Variants in ATG10 observed in about 807,000 individuals in gnomAD.
ATG10 encodes the protein ubiquitin-like-conjugating enzyme ATG10.
Under a neutral mutation model 32.1 loss-of-function variants are expected in ATG10, and 30 were observed. The ratio of observed to expected loss-of-function variants is 0.94; its 90% confidence interval spans 0.70 to 1.27. The LOEUF (loss-of-function observed/expected upper bound fraction) is 1.27, where lower values mean the gene tolerates loss of function less well. ATG10 is among the 50% of genes most tolerant of loss of function. ATG10 has a pLI of 0.00. For missense variants in ATG10, 233 were observed against 262.3 expected (o/e 0.89, Z 0.77); for synonymous variants, 87 against 91.5 (o/e 0.95, Z 0.28).
intron 1 of ATG10, among the ~76,000 whole-genome samples, chr5:81,987,149 G>A (rs1260902621): frequency 2.6e-5 from 4 of 152,046 alleles, no homozygotes; most frequent in Admixed American, 6.6e-5. Flanking sequence ...TTGAGATGGG[G>A]TATCACTCTG....
rs915282525 is a variant in ATG10, at chr5:82,094,033, G to A, written c.216+35431G>A. Among the ~76,000 whole-genome samples, 14 of 152,180 alleles carry A rather than the reference G, an allele frequency of 9.2e-5. 1 individual carries two copies. Among genetic ancestry groups the A allele is most frequent in the South Asian group, 4.1e-4 (2 of 4,820 alleles). On this transcript the variant is annotated intron_variant, in intron 3 of 7. Transcript: ENST00000282185. ...CTGGGTTCTTTCCTTATACACATGA[G>A]CCGATCTGTACTTAGCTGAAGATTT...
chr5:82,203,908 A>G (rs1290414468), intron 5 of ATG10, among the ~76,000 whole-genome samples: 2 of 152,180 alleles, frequency 1.3e-5, no homozygotes, highest in South Asian at 2.1e-4. Context: ...GGTATAATCA[A>G]TTTAATTTAA....
chr5:82,054,041 C>T (rs1332464418), intron 2 of ATG10, among the ~76,000 whole-genome samples: 1 of 152,156 alleles, frequency 6.6e-6, no homozygotes, highest in Non-Finnish European at 1.5e-5. Flanking sequence ...CCTGAGGTAG[C>T]TGCAGATTAC....
At chr5:82,146,204 A>C (rs1312939493) in intron 3 of ATG10, among the ~76,000 whole-genome samples, 1 of 152,094 alleles carries the variant, frequency 6.6e-6, no homozygotes, top group African/African-American at 2.4e-5. Context: ...TTCTTGAAGA[A>C]TATTTTTACC....
chr5:82,130,810 A>C (rs1414778158), intron 3 of ATG10, among the ~76,000 whole-genome samples: 1 of 152,084 alleles, frequency 6.6e-6, no homozygotes, highest in Non-Finnish European at 1.5e-5. Flanking sequence ...CCAGCCACCC[A>C]AAATATCTTT....
chr5:82,052,570 A>C (rs1454984152), intron 2 of ATG10, among the ~76,000 whole-genome samples: 3 of 152,198 alleles, frequency 2.0e-5, no homozygotes, highest in Non-Finnish European at 4.4e-5. Context: ...ATTTATAGGC[A>C]CAAAAGAGGT....
intron 2 of ATG10, among the ~76,000 whole-genome samples, chr5:82,046,197 T>C (rs1401935768): frequency 1.3e-5 from 2 of 152,076 alleles, no homozygotes; most frequent in Non-Finnish European, 2.9e-5. Flanking sequence ...TCCAACTGTA[T>C]TGAGTTGAAT....
At position 81,991,652 on chromosome 5, in the gene ATG10, G is replaced by A. The variant is rs747424222; in HGVS notation, c.108+3974G>A. 1.1e-4 allele frequency among the ~76,000 whole-genome samples: 17 copies of A among 152,106 alleles called. No individual in the cohort carries two copies. In the East Asian group the frequency reaches 1.5e-3, roughly 14 times the overall value. ...CTACTAAAAATACAAAAAATTAGCCGAGTGTGGTGGTGCATGCCTAAAATC... is the reference window on the plus strand; with the variant it reads ...CTACTAAAAATACAAAAAATTAGCCAAGTGTGGTGGTGCATGCCTAAAATC... On this transcript the variant is annotated intron_variant, in intron 2 of 7. Coordinates refer to ENST00000282185, the MANE Select transcript of ATG10 (RefSeq NM_031482.5).
In ATG10 at chr5:82,135,423, G is replaced by A. The variant is rs183974038; in HGVS notation, c.217-28976G>A. Among the ~76,000 whole-genome samples, 17 of 152,272 alleles carry A rather than the reference G, an allele frequency of 1.1e-4. No individual in the cohort carries two copies. The East Asian group carries it at 3.1e-3, about 28-fold the overall frequency. On this transcript the variant is annotated intron_variant, in intron 3 of 7. Transcript: ENST00000282185. The stretch of plus-strand genomic sequence containing the variant: ...TGTGTCCCAGAGATTCTGGTACATT[G>A]TATCTTTGTTCTCATTGGTTTCAAA...
chr5:82,054,896 T>C lies in ATG10; in HGVS notation c.109-3599T>C, dbSNP rs566625710. 1.8e-3 allele frequency among the ~76,000 whole-genome samples: 277 copies of C among 152,282 alleles called. 1 individual carries two copies. Among genetic ancestry groups the C allele is most frequent in the Non-Finnish European group, 3.2e-3 (218 of 68,016 alleles). On this transcript the variant is annotated intron_variant, in intron 2 of 7. Coordinates refer to ENST00000282185, the MANE Select transcript of ATG10 (RefSeq NM_031482.5). ...ATTAAAGAAGAGTTAAATGTTCAAG[T>C]GTAAGCTATGATAAGTACAAAAAGA...
chr5:82,015,759 G>A (rs545419215), intron 2 of ATG10, among the ~76,000 whole-genome samples: 1 of 152,266 alleles, frequency 6.6e-6, no homozygotes, highest in South Asian at 2.1e-4. Context: ...TAGCTTCTTT[G>A]TGATGGGTTC....
chr5:82,037,547 C>A (rs1198557697), intron 2 of ATG10, among the ~76,000 whole-genome samples: 1 of 151,730 alleles, frequency 6.6e-6, no homozygotes, highest in East Asian at 1.9e-4. Context: ...GCGCCCGGCC[C>A]CATTTACTTT....
chr5:82,108,393 T>G (rs545330996), intron 3 of ATG10, among the ~76,000 whole-genome samples: 1 of 151,980 alleles, frequency 6.6e-6, no homozygotes, highest in Non-Finnish European at 1.5e-5. Flanking sequence ...TGCATATATA[T>G]ACACACAGTA....
Position 82,060,597 on chromosome 5 carries a change from T to A in ATG10, c.216+1995T>A, listed in dbSNP as rs546012520. Among the ~76,000 whole-genome samples, 7 of 152,292 alleles carry A rather than the reference T, an allele frequency of 4.6e-5. No individual in the cohort carries two copies. The South Asian group carries it at 1.5e-3, about 32-fold the overall frequency. On this transcript the variant is annotated intron_variant, in intron 3 of 7. Coordinates refer to ENST00000282185, the MANE Select transcript of ATG10 (RefSeq NM_031482.5). Reference sequence around the variant, plus strand: ...GTTCATGTCGGCCGGGTGCGGTGGCTCAACGCCTGTAATACCAGTACTTTG... The same window carrying A: ...GTTCATGTCGGCCGGGTGCGGTGGCACAACGCCTGTAATACCAGTACTTTG...
At chr5:82,243,730 T>C (rs1257995192) in intron 5 of ATG10, among the ~76,000 whole-genome samples, 2 of 152,098 alleles carry the variant, frequency 1.3e-5, no homozygotes, top group South Asian at 4.1e-4. Context: ...TTTAAATTTC[T>C]CTTAGAAATT....
intron 3 of ATG10, among the ~76,000 whole-genome samples, chr5:82,112,237 A>G (rs1236355842): frequency 2.0e-5 from 3 of 151,950 alleles, no homozygotes; most frequent in Admixed American, 6.6e-5. Flanking sequence ...TTTATCATGC[A>G]TAGCCCAGAA....
At chr5:82,117,521 G>C (rs952874463) in intron 3 of ATG10, among the ~76,000 whole-genome samples, 1 of 152,030 alleles carries the variant, frequency 6.6e-6, no homozygotes, top group Non-Finnish European at 1.5e-5. Flanking sequence ...AATCCTGGTT[G>C]GTACTGATCC....
chr5:82,032,793 C>A (rs1481974841), intron 2 of ATG10, among the ~76,000 whole-genome samples: 1 of 151,362 alleles, frequency 6.6e-6, no homozygotes, highest in African/African-American at 2.4e-5. Flanking sequence ...ATGGCTAATA[C>A]TTATTTAGTG....
Position 82,254,724 on chromosome 5 carries a change from T to C in ATG10, c.*661T>C, listed in dbSNP as rs1006578181. ...TCTGACATGGAGATTGAGGGAGAAA[T>C]GTATTTGTGTGTTCATTTTAATGTA... On this transcript the variant is annotated 3_prime_UTR_variant, in exon 8 of 8. Coordinates refer to ENST00000282185, the MANE Select transcript of ATG10 (RefSeq NM_031482.5). 6.6e-6 allele frequency: 1 copy of C among 152,082 alleles called. No homozygotes were observed. Among genetic ancestry groups the C allele is most frequent in the Non-Finnish European group, 1.5e-5 (1 of 68,022 alleles). The allele number at this position is 152,082 out of a possible 1,614,324, so 9.4% of individuals were successfully genotyped here.
Sources: gnomAD v4.1 joint callset for allele counts (sites outside exome capture counted in the v4.1 genomes callset) on GRCh38, gnomAD v4.1.1 for gene constraint, MANE v1.5 for transcripts, NCBI Gene and HGNC (gene_info 2026-07-23, HGNC 2026-07-21) for gene names.